GPLD1: variants seen among roughly 807,000 people sequenced by gnomAD.
GPLD1 encodes glycosylphosphatidylinositol specific phospholipase D1, also known as phosphatidylinositol-glycan-specific phospholipase D.
Under a neutral mutation model 112.6 loss-of-function variants are expected in GPLD1, and 84 were observed. That is an observed-to-expected ratio of 0.75 (90% CI 0.63 to 0.89). GPLD1 has a LOEUF of 0.89. Ranked by LOEUF, GPLD1 falls within the 40% of genes least tolerant of loss-of-function variation. The probability of loss-of-function intolerance (pLI) is 0.00; values close to 1 mark genes in which losing one functional copy is unlikely to be tolerated. For synonymous variants in GPLD1, 386 were observed against 403.8 expected (o/e 0.96, Z 0.53); for missense variants, 1,044 against 1,051.5 (o/e 0.99, Z 0.10).
intron 1 of GPLD1, among the ~76,000 whole-genome samples, 179 bp downstream of exon 1, chr6:24,489,236 T>C (rs1764483937): frequency 6.6e-6 from 1 of 152,198 alleles, no homozygotes; most frequent in South Asian, 2.1e-4. Flanking sequence ...GAAGTCATGC[T>C]GCCAATCCCT....
At chr6:24,449,049 C>T (rs1762998838) in intron 15 of GPLD1, among the ~76,000 whole-genome samples, 2 of 151,986 alleles carry the variant, frequency 1.3e-5, no homozygotes, top group Non-Finnish European at 2.9e-5. Flanking sequence ...AAGTATCAGC[C>T]TCGCCCAGGA....
rs774697492 is a variant in GPLD1, at chr6:24,445,628, TTTCCC to T, written c.1933_1937del (p.Gly645ThrfsTer29). ...GGCCACTGGAAAGGGAAGTACCCAGTTTCCCCATTGCCTGTGAGACACAATAAATC... is the reference window on the plus strand; with the variant it reads ...GGCCACTGGAAAGGGAAGTACCCAGTCATTGCCTGTGAGACACAATAAATC... On this transcript the variant is annotated frameshift_variant, in exon 20 of 25. Transcript: ENST00000230036. LOFTEE classifies it high-confidence loss of function. 1.2e-6 allele frequency: 2 copies of T among 1,613,300 alleles called. No homozygotes were observed. The highest frequency in any genetic ancestry group is 1.7e-6 in the Non-Finnish European group (2 of 1,179,298).
In GPLD1 at chr6:24,433,378, T is replaced by C; in HGVS notation, c.2370A>G (p.Val790=). ...GGATACTTACTTCAGGAGAAATCAA[T>C]ACATATTGGGCCTGAAGAAAAAAAT... ...TPCPEEKAQY[V]LISPEASSRF... is the part of the protein sequence containing the mutation. Residue 790 remains valine (V), a synonymous_variant, in exon 23 of 25, where the codon GTA becomes GTG. Coordinates refer to ENST00000230036, the MANE Select transcript of GPLD1 (RefSeq NM_001503.4). 3 of 1,608,568 alleles carry C rather than the reference T, an allele frequency of 1.9e-6. No individual in the cohort carries two copies. The highest frequency in any genetic ancestry group is 1.3e-5 in the African/African-American group (1 of 74,896).
chr6:24,481,501 G>A (rs902440785), intron 2 of GPLD1, among the ~76,000 whole-genome samples: 3 of 152,080 alleles, frequency 2.0e-5, no homozygotes, highest in Non-Finnish European at 4.4e-5. Flanking sequence ...TCCTTCTAGA[G>A]GCAGAATCAC....
intron 13 of GPLD1, among the ~76,000 whole-genome samples, chr6:24,455,624 G>C (rs1321559912): frequency 6.6e-6 from 1 of 151,970 alleles, no homozygotes; most frequent in African/African-American, 2.4e-5. Context: ...AACTGTCATG[G>C]TATACCAGCT....
intron 14 of GPLD1, among the ~76,000 whole-genome samples, chr6:24,452,682 G>A (rs1246563206): frequency 2.0e-5 from 3 of 151,610 alleles, no homozygotes; most frequent in Non-Finnish European, 2.9e-5. Context: ...ACCTTGAGAT[G>A]GGAGAATAAC....
intron 11 of GPLD1, among the ~76,000 whole-genome samples, chr6:24,461,783 ACTGTT>A (rs1204367473): frequency 6.6e-6 from 1 of 152,220 alleles, no homozygotes; most frequent in African/African-American, 2.4e-5. Flanking sequence ...GAGAGCAGGA[ACTGTT>A]TCTGTCTTGT....
intron 11 of GPLD1, among the ~76,000 whole-genome samples, 191 bp from the exon 12 acceptor site, chr6:24,460,590 C>A (rs1274554138): frequency 6.6e-6 from 1 of 152,266 alleles, no homozygotes; most frequent in Admixed American, 6.5e-5. Flanking sequence ...AAACACATTT[C>A]TAAGGCTTAA....
chr6:24,479,884 C>T lies in GPLD1; in HGVS notation c.229G>A (p.Gly77Arg), dbSNP rs1391187524. The T allele has an allele frequency of 2.5e-6, 4 of 1,587,292 alleles. No homozygotes were observed. Among genetic ancestry groups the T allele is most frequent in the Non-Finnish European group, 3.5e-6 (4 of 1,155,626 alleles). Reference sequence around the variant, plus strand: ...AGTCTGCAAACTTTCATCTTACCTCCTTTGCAGATGCTAGGGTAAAAACAA... The same window carrying T: ...AGTCTGCAAACTTTCATCTTACCTCTTTTGCAGATGCTAGGGTAAAAACAA... ...PDCFYPSICKGGKFHDVSEST... is the reference protein window; with the variant it reads ...PDCFYPSICKRGKFHDVSEST... The change falls in exon 3 of 25, where the codon GGA becomes AGA. Residue 77 changes from glycine to arginine, a missense_variant. By Grantham distance (125) the Gly-to-Arg change is moderately radical. Transcript: ENST00000230036.
At chr6:24,456,075 C>T (rs1396391728) in intron 13 of GPLD1, among the ~76,000 whole-genome samples, 1 of 152,012 alleles carries the variant, frequency 6.6e-6, no homozygotes, top group African/African-American at 2.4e-5. Context: ...AATTCATTGA[C>T]AAGCAAGGTG....
chr6:24,444,141 G>T (rs1455829325), intron 20 of GPLD1, among the ~76,000 whole-genome samples: 1 of 152,072 alleles, frequency 6.6e-6, no homozygotes, highest in Non-Finnish European at 1.5e-5. Flanking sequence ...AATCAGAAAG[G>T]CAGTCAAAGA....
chr6:24,494,503 A>T (rs1764638713), upstream of GPLD1, among the ~76,000 whole-genome samples: 1 of 152,176 alleles, frequency 6.6e-6, no homozygotes, highest in Non-Finnish European at 1.5e-5. Context: ...CTCAGGAGCT[A>T]CAACTGAAGA....
At chr6:24,462,867 AGTGCGCTT>A in intron 10 of GPLD1, 72 bp from the exon 11 acceptor site, 22 of 1,093,236 alleles carry the variant, frequency 2.0e-5, no homozygotes, top group Non-Finnish European at 2.8e-5. Flanking sequence ...GAGAATCGGT[AGTGCGCTT>A]CAATCATCTC....
chr6:24,479,800 A>C (rs1764140999), intron 3 of GPLD1, 81 bp downstream of exon 3: 1 of 659,710 alleles, frequency 1.5e-6, no homozygotes, highest in Non-Finnish European at 2.6e-6. Context: ...GTACACACAT[A>C]TATATATATT....
chr6:24,468,827 G>T (rs571221908), intron 7 of GPLD1, among the ~76,000 whole-genome samples: 1 of 152,308 alleles, frequency 6.6e-6, no homozygotes, highest in Admixed American at 6.5e-5. Context: ...GATGTCCCAA[G>T]TCTCCCTAAA....
At chr6:24,462,139 C>G (rs3846833) in intron 11 of GPLD1, among the ~76,000 whole-genome samples, 2 of 151,858 alleles carry the variant, frequency 1.3e-5, no homozygotes, top group African/African-American at 4.8e-5. Context: ...TACATTTCTT[C>G]TTTCTTTTTT....
intron 4 of GPLD1, 120 bp downstream of exon 4, chr6:24,476,061 C>T: frequency 1.6e-6 from 1 of 614,210 alleles, no homozygotes. Flanking sequence ...GTGCATGACA[C>T]TGAAGGTGGA....
At position 24,445,544 on chromosome 6, in the gene GPLD1, A is replaced by AC. The variant is rs763185563; in HGVS notation, c.2020+1dup. On this transcript the variant is annotated splice_donor_variant, in intron 20 of 24. Transcript: ENST00000230036. LOFTEE classifies it high-confidence loss of function. ...AGCACAGTTTCACAGTGTGTGACCTACCGTACGTAGGGGCTCCAACCAGCA... is the reference window on the plus strand; with the variant it reads ...AGCACAGTTTCACAGTGTGTGACCTACCCGTACGTAGGGGCTCCAACCAGCA... 6.2e-7 allele frequency: 1 copy of AC among 1,604,154 alleles called. No homozygotes were observed. Among genetic ancestry groups the AC allele is most frequent in the Non-Finnish European group, 8.5e-7 (1 of 1,171,056 alleles).
At chr6:24,462,261 T>C (rs1423527564) in intron 11 of GPLD1, among the ~76,000 whole-genome samples, 1 of 152,044 alleles carries the variant, frequency 6.6e-6, no homozygotes, top group Non-Finnish European at 1.5e-5. Context: ...GCCTCCCAAG[T>C]AGCTGGGACT....
Sources: allele counts gnomAD v4.1 joint callset (sites outside exome capture counted in the v4.1 genomes callset), GRCh38; gene constraint gnomAD v4.1.1; transcripts MANE v1.5; gene names NCBI Gene and HGNC (gene_info 2026-07-23, HGNC 2026-07-21).